CNGB3: variants seen among roughly 807,000 people sequenced by gnomAD.
CNGB3 encodes cyclic nucleotide gated channel subunit beta 3.
CNGB3 carries 86 observed loss-of-function variants against 92.8 expected under a neutral mutation model. The ratio of observed to expected loss-of-function variants is 0.93; its 90% CI spans 0.78 to 1.11. The LOEUF (loss-of-function observed/expected upper bound fraction) is 1.11. Among genes scored for constraint, CNGB3 ranks in the 50% least tolerant of loss-of-function variants. CNGB3 has a pLI of 0.00. For synonymous variants in CNGB3, 333 were observed against 332.7 expected, an observed-to-expected ratio of 1.00 and a Z score of -0.01; for missense variants, 1,026 against 956.8, an observed-to-expected ratio of 1.07 and a Z score of -0.95.
rs919915163 is a variant in CNGB3 at position 86,586,389 on chromosome 8, G to A, written c.1782-7137C>T. 5.3e-5 allele frequency among the ~76,000 whole-genome samples: 8 copies of A among 151,364 alleles called. No individual in the cohort carries two copies. In the South Asian group the frequency reaches 1.7e-3, roughly 32 times the overall value. ...TTAGAGTACATGTGCACATTGTGCA[G>A]GTTAGTTACATATGTATACATGTGC... On this transcript the variant is annotated intron_variant, in intron 15 of 17. Coordinates refer to ENST00000320005, the MANE Select transcript of CNGB3 (RefSeq NM_019098.5).
chr8:86,637,890 A>C (rs1348740049), intron 10 of CNGB3, among the ~76,000 whole-genome samples: 1 of 152,138 alleles, frequency 6.6e-6, no homozygotes. Flanking sequence ...TCCTTACTCA[A>C]ATGCGCCAGA....
At chr8:86,600,629 T>C (rs1585961677) in intron 15 of CNGB3, among the ~76,000 whole-genome samples, 1 of 149,386 alleles carries the variant, frequency 6.7e-6, no homozygotes, top group East Asian at 2.0e-4. Flanking sequence ...TTTTTTTTTG[T>C]GACAGAGTCT....
intron 3 of CNGB3, among the ~76,000 whole-genome samples, chr8:86,675,606 G>A (rs1403093879): frequency 2.0e-5 from 3 of 151,676 alleles, no homozygotes; most frequent in African/African-American, 7.3e-5. Flanking sequence ...TAGAGATGGG[G>A]TCTTGCTTTG....
chr8:86,616,256 T>C lies in CNGB3; in HGVS notation c.1579-4585A>G, dbSNP rs993320561. Among the ~76,000 whole-genome samples the C allele has an allele frequency of 1.8e-4, 27 of 152,186 alleles. 1 individual carries two copies. Among genetic ancestry groups the C allele is most frequent in the Admixed American group, 1.7e-3 (26 of 15,268 alleles). On this transcript the variant is annotated intron_variant, in intron 13 of 17. Transcript: ENST00000320005. Reference sequence around the variant, plus strand: ...GCAAACTGAATTTAGCAGCTGTATATAGTAAAAACTTAGAATTTAAGTTTC... The same window carrying C: ...GCAAACTGAATTTAGCAGCTGTATACAGTAAAAACTTAGAATTTAAGTTTC...
intron 3 of CNGB3, among the ~76,000 whole-genome samples, chr8:86,694,168 C>CG (rs1563757199): frequency 2.7e-5 from 3 of 111,504 alleles, no homozygotes; most frequent in Admixed American, 8.5e-5. Context: ...GCTGGCCGGG[C>CG]GGGGGGCTGA....
chr8:86,630,280 G>C (rs1426866871), intron 11 of CNGB3, among the ~76,000 whole-genome samples: 1 of 152,164 alleles, frequency 6.6e-6, no homozygotes, highest in Non-Finnish European at 1.5e-5. Flanking sequence ...CTAAGGCTGG[G>C]AGACTTGGTA....
At chr8:86,665,908 A>T (rs1444664251) in intron 6 of CNGB3, among the ~76,000 whole-genome samples, 2 of 152,212 alleles carry the variant, frequency 1.3e-5, no homozygotes, top group Admixed American at 6.5e-5. Flanking sequence ...TTGGGGAAAA[A>T]AAAGGGTCAT....
intron 6 of CNGB3, chr8:86,659,180 C>A: frequency 1.4e-6 from 1 of 713,362 alleles, no homozygotes; most frequent in Admixed American, 1.9e-5. Context: ...ATGTGTGCAC[C>A]TGCTCTGACA....
At position 86,657,130 on chromosome 8, in the gene CNGB3, C is replaced by G. The variant is rs577515521; in HGVS notation, c.853-3068G>C. 5.9e-5 allele frequency among the ~76,000 whole-genome samples: 9 copies of G among 152,326 alleles called. No individual in the cohort carries two copies. The East Asian group carries it at 1.7e-3, about 29-fold the overall frequency. On this transcript the variant is annotated intron_variant, in intron 6 of 17. Coordinates refer to ENST00000320005, the MANE Select transcript of CNGB3 (RefSeq NM_019098.5). ...TGAGTCAGGCCATCAGGGAGGCCAC[C>G]AGGCCTCCTGCAAATAAATCAACCC...
chr8:86,666,788 T>C, intron 6 of CNGB3, 137 bp downstream of exon 6: 4 of 753,460 alleles, frequency 5.3e-6, no homozygotes, highest in Non-Finnish European at 9.2e-6. Flanking sequence ...GTTTTCTTGT[T>C]ATTATTGCTC....
Position 86,574,784 on chromosome 8 carries a change from G to A in CNGB3, c.*1020C>T, listed in dbSNP as rs750355092. 8 of 152,186 alleles carry A rather than the reference G, an allele frequency of 5.3e-5. No homozygotes were observed. The highest frequency in any genetic ancestry group is 1.2e-4 in the Non-Finnish European group (8 of 68,028). The allele number at this position is 152,186 out of a possible 1,614,324, so 9.4% of individuals were successfully genotyped here. Reference sequence around the variant, plus strand: ...ATGCAACGTCGGTAATTATGCTAATGCTAGCTAATTCATGAGGACAACTTC... The same window carrying A: ...ATGCAACGTCGGTAATTATGCTAATACTAGCTAATTCATGAGGACAACTTC... On this transcript the variant is annotated 3_prime_UTR_variant, in exon 18 of 18. Coordinates refer to ENST00000320005, the MANE Select transcript of CNGB3 (RefSeq NM_019098.5).
intron 13 of CNGB3, among the ~76,000 whole-genome samples, chr8:86,625,521 C>A (rs148112146): frequency 6.6e-6 from 1 of 151,860 alleles, no homozygotes; most frequent in Non-Finnish European, 1.5e-5. Flanking sequence ...AAACAAAAAG[C>A]TTCTAAATTA....
rs758101681 is a variant in CNGB3 at position 86,654,002 on chromosome 8, T to C, written c.903+10A>G. The C allele has an allele frequency of 6.4e-7, 1 of 1,570,126 alleles. No homozygotes were observed. The highest frequency in any genetic ancestry group is 2.2e-5 in the East Asian group (1 of 44,602). On this transcript the variant is annotated intron_variant, in intron 7 of 17. Transcript: ENST00000320005. Reference sequence around the variant, plus strand: ...TCACGTGAGCAACTTTGAAATTGTTTGTCACCTACCTGAAATTTTGTAGAA... The same window carrying C: ...TCACGTGAGCAACTTTGAAATTGTTCGTCACCTACCTGAAATTTTGTAGAA...
At chr8:86,643,602 T>C in intron 10 of CNGB3, 149 bp downstream of exon 10, 1 of 808,208 alleles carries the variant, frequency 1.2e-6, no homozygotes, top group Non-Finnish European at 1.9e-6. Context: ...GCAAATGACA[T>C]GATTTTATCC....
At chr8:86,693,953 G>GC (rs1345480004) in intron 3 of CNGB3, among the ~76,000 whole-genome samples, 1 of 151,198 alleles carries the variant, frequency 6.6e-6, no homozygotes, top group Non-Finnish European at 1.5e-5. Flanking sequence ...TTCTCAATGA[G>GC]CCATTGGGTA....
rs1825065941 is a variant in CNGB3, at chr8:86,726,657, T to C, written c.212A>G (p.Asp71Gly). ...TSEEPHTNIQ[D>G]KLSKKNSSGD... ...AGAGGAATTTTTCTTGGAGAGTTTG[T>C]CTATGAAAAAAAAATTCACATAGAT... Residue 71 changes from aspartate to glycine, a missense_variant and splice_region_variant, in exon 3 of 18, where the codon GAC becomes GGC. Physicochemically the swap from Asp to Gly is moderately conservative, Grantham distance 94. Transcript: ENST00000320005. 1.2e-6 allele frequency: 2 copies of C among 1,613,618 alleles called. No individual in the cohort carries two copies. The highest frequency in any genetic ancestry group is 1.1e-5 in the South Asian group (1 of 91,088).
intron 2 of CNGB3, among the ~76,000 whole-genome samples, chr8:86,732,134 T>C (rs1008255348): frequency 6.6e-6 from 1 of 152,240 alleles, no homozygotes; most frequent in Admixed American, 6.5e-5. Flanking sequence ...TTTTAGCTTA[T>C]GAAACACGTA....
chr8:86,615,640 G>C (rs1320347842), intron 13 of CNGB3, among the ~76,000 whole-genome samples: 1 of 151,754 alleles, frequency 6.6e-6, no homozygotes, highest in Admixed American at 6.6e-5. Context: ...TGAAAATAAA[G>C]ATTAAAATAA....
chr8:86,725,384 A>G (rs773975673), intron 3 of CNGB3, among the ~76,000 whole-genome samples: 7 of 152,320 alleles, frequency 4.6e-5, no homozygotes, highest in Non-Finnish European at 2.9e-5. Flanking sequence ...AGGACTGAAA[A>G]TAATTCTGTA....
Sources: gnomAD v4.1 joint callset for allele counts (sites outside exome capture counted in the v4.1 genomes callset) on GRCh38, gnomAD v4.1.1 for gene constraint, MANE v1.5 for transcripts, NCBI Gene and HGNC (gene_info 2026-07-23, HGNC 2026-07-21) for gene names.